Variants in EIF4A1 observed in about 807,000 individuals in gnomAD.
EIF4A1 encodes the protein eukaryotic translation initiation factor 4A1.
In EIF4A1, 11 loss-of-function variants were observed where a neutral mutation model predicts 53.5. The ratio of observed to expected loss-of-function variants is 0.21; its 90% CI spans 0.13 to 0.34. The LOEUF is 0.34. Among genes scored for constraint, EIF4A1 ranks in the 10% least tolerant of loss-of-function variants. EIF4A1 has a pLI of 1.00. For missense variants in EIF4A1, 213 were observed against 530.8 expected (o/e 0.40, Z 5.88); for synonymous variants, 237 against 186.7 (o/e 1.27, Z -2.20).
At position 7,577,285 on chromosome 17, in the gene EIF4A1, G is replaced by A. The variant is rs2071415243; in HGVS notation, c.625-59G>A. 1 of 1,600,186 alleles carries A rather than the reference G, an allele frequency of 6.2e-7. No individual in the cohort carries two copies. On this transcript the variant is annotated intron_variant, in intron 6 of 10. Coordinates refer to ENST00000293831, the MANE Select transcript of EIF4A1 (RefSeq NM_001416.4). This position sits in a 1 kb window ranked among gnomAD's most constrained non-coding sequence, Gnocchi z 4.7. ...TGCTTCAGTTTTAGGTGTGGCTAGG[G>A]AAGGGAGCAGGCCTCAGGAAGGAAC...
Position 7,577,803 on chromosome 17 carries a change from C to G in EIF4A1, c.907-24C>G. On this transcript the variant is annotated intron_variant, in intron 8 of 10. Coordinates refer to ENST00000293831, the MANE Select transcript of EIF4A1 (RefSeq NM_001416.4). The surrounding 1 kb of genome is among the most constrained non-coding windows in gnomAD (Gnocchi z 4.7). ...GGAACCCAGGTGCCTACCTGGTCTG[C>G]TGCATATTTGTTTTCTCTTCCAGCA... is the stretch of plus-strand genomic sequence containing the variant. The G allele has an allele frequency of 6.2e-7, 1 of 1,614,152 alleles. No individual in the cohort carries two copies. The highest frequency in any genetic ancestry group is 8.5e-7 in the Non-Finnish European group (1 of 1,180,034).
chr17:7,576,800 G>A (rs769601738), intron 5 of EIF4A1, 108 bp downstream of exon 5: 2 of 1,537,290 alleles, frequency 1.3e-6, no homozygotes, highest in Non-Finnish European at 1.8e-6. Context: ...TTTCTCTCTG[G>A]GGGAAGAGCT....
Position 7,577,954 on chromosome 17 carries a change from G to A in EIF4A1, c.996+38G>A, listed in dbSNP as rs1464820642. 1 of 1,610,434 alleles carries A rather than the reference G, an allele frequency of 6.2e-7. No homozygotes were observed. Among genetic ancestry groups the A allele is most frequent in the African/African-American group, 1.3e-5 (1 of 74,846 alleles). The stretch of plus-strand genomic sequence containing the variant: ...AACTGATAGCAAAGGCAGAAGGGAG[G>A]ATCCAAGGTGATTCCCTCTCCAAGG... On this transcript the variant is annotated intron_variant, in intron 9 of 10. Coordinates refer to ENST00000293831, the MANE Select transcript of EIF4A1 (RefSeq NM_001416.4). The surrounding 1 kb of genome is among the most constrained non-coding windows in gnomAD (Gnocchi z 4.7).
In EIF4A1 at chr17:7,577,723, C is replaced by A; in HGVS notation, c.906+17C>A. ...TCCGCCATGGTGTGTTTGCCCGCTG[C>A]CAGCCTGTTGTGGGTCTGCCCGTCA... On this transcript the variant is annotated intron_variant, in intron 8 of 10. Coordinates refer to ENST00000293831, the MANE Select transcript of EIF4A1 (RefSeq NM_001416.4). This position sits in a 1 kb window ranked among gnomAD's most constrained non-coding sequence, Gnocchi z 4.7. The A allele has an allele frequency of 6.2e-7, 1 of 1,613,648 alleles. No homozygotes were observed. The highest frequency in any genetic ancestry group is 8.5e-7 in the Non-Finnish European group (1 of 1,179,970).
rs769799887 is a variant in EIF4A1 at position 7,575,291 on chromosome 17, T to C, written c.345+33T>C. 27 of 1,613,030 alleles carry C rather than the reference T, an allele frequency of 1.7e-5. No homozygotes were observed. The Admixed American group carries it at 4.5e-4, about 27-fold the overall frequency. ...TGGCTTCTATTCCCTCCTTCAGGGC[T>C]GATTTAGGGATGATGAGTATAATCC... is the stretch of plus-strand genomic sequence containing the variant. On this transcript the variant is annotated intron_variant, in intron 4 of 10. Coordinates refer to ENST00000293831, the MANE Select transcript of EIF4A1 (RefSeq NM_001416.4).
Position 7,578,586 on chromosome 17 carries a change from T to A in EIF4A1, c.*100T>A. On this transcript the variant is annotated 3_prime_UTR_variant, in exon 11 of 11. Transcript: ENST00000293831. ...AGGGAGCCAAGGGATGGACATCTTG[T>A]CATTTTTTTTCTTTGAATAAATGTC... The A allele has an allele frequency of 7.5e-7, 1 of 1,328,560 alleles. No individual in the cohort carries two copies. The highest frequency in any genetic ancestry group is 1.9e-5 in the South Asian group (1 of 52,194). The allele number at this position is 1,328,560 out of a possible 1,614,324, so 82.3% of individuals were successfully genotyped here. A position where few individuals can be genotyped will look rare whatever the true frequency, so the allele number is the denominator to read the frequency against.
At chr17:7,574,505 C>G (rs776135674) in intron 2 of EIF4A1, 41 bp from the exon 3 acceptor site, 1 of 1,612,468 alleles carries the variant, frequency 6.2e-7, no homozygotes, top group South Asian at 1.1e-5. Flanking sequence ...TCAGCTCCAC[C>G]TTTTCCATGA....
At chr17:7,573,116 G>C in intron 1 of EIF4A1, 1 of 617,074 alleles carries the variant, frequency 1.6e-6, no homozygotes. Flanking sequence ...CCGAGGCGGT[G>C]CCATGCGCGA....
intron 1 of EIF4A1, chr17:7,573,195 AC>A: frequency 1.9e-6 from 1 of 519,318 alleles, no homozygotes; most frequent in Non-Finnish European, 3.5e-6. Context: ...GGCGGCCGCC[AC>A]TATGTGTGGC....
At chr17:7,574,089 C>T (rs1032348460) in intron 1 of EIF4A1, 171 bp from the exon 2 acceptor site, 7 of 726,188 alleles carry the variant, frequency 9.6e-6, no homozygotes, top group African/African-American at 7.1e-5. Flanking sequence ...GGGCAAATGC[C>T]TCAGTTTTAT....
At position 7,578,548 on chromosome 17, in the gene EIF4A1, G is replaced by C; in HGVS notation, c.*62G>C. 2.0e-6 allele frequency: 3 copies of C among 1,487,890 alleles called. No homozygotes were observed. The highest frequency in any genetic ancestry group is 2.7e-6 in the Non-Finnish European group (3 of 1,121,310). 92.2% of individuals were successfully genotyped at this position (1,487,890 alleles called of 1,614,324 possible). On this transcript the variant is annotated 3_prime_UTR_variant, in exon 11 of 11. Coordinates refer to ENST00000293831, the MANE Select transcript of EIF4A1 (RefSeq NM_001416.4). ...ATCTCTGGGGGCTGAGGAGCAGCAG[G>C]AGGGGGGAGGGAAGGGAGCCAAGGG...
At chr17:7,574,972 A>C (rs905779953) in intron 3 of EIF4A1, 147 bp from the exon 4 acceptor site, 12 of 1,197,282 alleles carry the variant, frequency 1.0e-5, no homozygotes, top group African/African-American at 4.5e-5. Flanking sequence ...TCTGGTTCCC[A>C]TTGTGTAACT....
At position 7,577,043 on chromosome 17, in the gene EIF4A1, T is replaced by A; in HGVS notation, c.515-13T>A. The A allele has an allele frequency of 6.2e-7, 1 of 1,614,034 alleles. No homozygotes were observed. The highest frequency in any genetic ancestry group is 8.5e-7 in the Non-Finnish European group (1 of 1,179,968). On this transcript the variant is annotated splice_polypyrimidine_tract_variant and intron_variant, in intron 5 of 10. Transcript: ENST00000293831. This position sits in a 1 kb window ranked among gnomAD's most constrained non-coding sequence, Gnocchi z 4.7. ...ATCATATGCTATATATTGGCTTTTT[T>A]TTTCTTCTCTAGCCCCCAAATACAT... is the stretch of plus-strand genomic sequence containing the variant.
At position 7,574,288 on chromosome 17, in the gene EIF4A1, G is replaced by A; in HGVS notation, c.52G>A (p.Glu18Lys). 6.2e-7 allele frequency: 1 copy of A among 1,614,224 alleles called. No individual in the cohort carries two copies. The highest frequency in any genetic ancestry group is 8.5e-7 in the Non-Finnish European group (1 of 1,180,046). ...RSRDNGPDGM[E>K]PEGVIESNWN... is the part of the protein sequence containing the mutation. The stretch of plus-strand genomic sequence containing the variant: ...CAGAGACAATGGCCCCGATGGGATG[G>A]AGCCCGAAGGCGTCATCGAGGTGAG... The change falls in exon 2 of 11, where the codon GAG becomes AAG. Residue 18 changes from glutamate to lysine, a missense_variant. Around this residue, in one of 4 missense-constraint regions of EIF4A1, gnomAD observed 53 missense variants for 34.0 expected, o/e 1.56. Transcript: ENST00000293831.
rs771676322 is a variant in EIF4A1, at chr17:7,577,764, A to C, written c.906+58A>C. On this transcript the variant is annotated intron_variant, in intron 8 of 10. Transcript: ENST00000293831. This position sits in a 1 kb window ranked among gnomAD's most constrained non-coding sequence, Gnocchi z 4.7. ...CTGCCCGTCAGAAGTGTCCTACTTGAAGCCAGGGTTCCTGGAACCCAGGTG... is the reference window on the plus strand; with the variant it reads ...CTGCCCGTCAGAAGTGTCCTACTTGCAGCCAGGGTTCCTGGAACCCAGGTG... The C allele has an allele frequency of 6.2e-7, 1 of 1,613,674 alleles. No individual in the cohort carries two copies.
chr17:7,576,933 A>G (rs1347053146), intron 5 of EIF4A1, 123 bp from the exon 6 acceptor site: 1 of 1,362,566 alleles, frequency 7.3e-7, no homozygotes, highest in Non-Finnish European at 1.1e-6. Context: ...GCAAAGGATC[A>G]GTCTTTGTAC....
chr17:7,577,804 T>C lies in EIF4A1; in HGVS notation c.907-23T>C, dbSNP rs1360396825. 1 of 1,614,192 alleles carries C rather than the reference T, an allele frequency of 6.2e-7. No homozygotes were observed. The highest frequency in any genetic ancestry group is 8.5e-7 in the Non-Finnish European group (1 of 1,180,034). On this transcript the variant is annotated intron_variant, in intron 8 of 10. Coordinates refer to ENST00000293831, the MANE Select transcript of EIF4A1 (RefSeq NM_001416.4). This position sits in a 1 kb window ranked among gnomAD's most constrained non-coding sequence, Gnocchi z 4.7. ...GAACCCAGGTGCCTACCTGGTCTGC[T>C]GCATATTTGTTTTCTCTTCCAGCAT... is the stretch of plus-strand genomic sequence containing the variant.
rs775034603 is a variant in EIF4A1 at position 7,577,911 on chromosome 17, C to A, written c.991C>A (p.Leu331Met). 1.2e-6 allele frequency: 2 copies of A among 1,614,176 alleles called. No homozygotes were observed. Among genetic ancestry groups the A allele is most frequent in the Non-Finnish European group, 8.5e-7 (1 of 1,180,022 alleles). ...GSSRVLITTD[L>M]LARGIDVQQV... Reference sequence around the variant, plus strand: ...TAGCAGAGTTTTGATTACCACTGACCTGCTGGTGAGTAGAGGGAACTGATA... The same window carrying A: ...TAGCAGAGTTTTGATTACCACTGACATGCTGGTGAGTAGAGGGAACTGATA... The change falls in exon 9 of 11, where the codon CTG (leucine) becomes ATG (methionine). Residue 331 changes from leucine to methionine, a missense_variant. Leu to Met is a conservative substitution (Grantham distance 15). This residue lies in a region of EIF4A1 where 13 missense variants were observed against 103.3 expected (regional missense o/e 0.13). Transcript: ENST00000293831. This position sits in a 1 kb window ranked among gnomAD's most constrained non-coding sequence, Gnocchi z 4.7.
intron 2 of EIF4A1, 100 bp downstream of exon 2, chr17:7,574,408 C>T (rs965853942): frequency 6.2e-7 from 1 of 1,605,264 alleles, no homozygotes; most frequent in African/African-American, 1.3e-5. Context: ...CATCTAGAAG[C>T]AGCTGGTTTC....
Sources: gnomAD v4.1 joint callset for allele counts on GRCh38, gnomAD v4.1.1 for gene constraint, gnomAD v4.1.1 regional missense constraint, Gnocchi (gnomAD v3.1) non-coding constraint, MANE v1.5 for transcripts, NCBI Gene and HGNC (gene_info 2026-07-23, HGNC 2026-07-21) for gene names.